ELP4: variants seen among roughly 807,000 people sequenced by gnomAD.
The protein encoded by ELP4 is elongator complex protein 4.
ELP4 carries 51 observed loss-of-function variants against 48.9 expected under a neutral mutation model. The ratio of observed to expected loss-of-function variants is 1.04; its 90% confidence interval spans 0.83 to 1.32. The LOEUF is 1.32. ELP4 is among the 40% of genes most tolerant of loss of function. The probability of loss-of-function intolerance (pLI) is 0.00; values close to 1 mark genes in which losing one functional copy is unlikely to be tolerated. For missense variants in ELP4, 519 were observed against 514.6 expected (o/e 1.01, Z -0.08); for synonymous variants, 210 against 189.2 (o/e 1.11, Z -0.90).
At chr11:31,714,890 A>T in intron 9 of ELP4, 1 of 398,034 alleles carries the variant, frequency 2.5e-6, no homozygotes, top group Non-Finnish European at 4.4e-6. Context: ...AGATCTTCCT[A>T]TTTTAAGGTC....
At chr11:31,578,855 A>G (rs973181120) in intron 3 of ELP4, among the ~76,000 whole-genome samples, 9 of 152,210 alleles carry the variant, frequency 5.9e-5, no homozygotes, top group Admixed American at 3.3e-4. Flanking sequence ...AACCTAGGCA[A>G]TACCATTCAG....
chr11:31,630,854 A>G (rs997229442), intron 6 of ELP4, among the ~76,000 whole-genome samples: 1 of 152,118 alleles, frequency 6.6e-6, no homozygotes, highest in African/African-American at 2.4e-5. Context: ...CAGAGGTGGG[A>G]AGATCACTTG....
chr11:31,674,976 A>C (rs944778607), intron 9 of ELP4, among the ~76,000 whole-genome samples: 2 of 152,060 alleles, frequency 1.3e-5, no homozygotes, highest in African/African-American at 4.8e-5. Flanking sequence ...AAGTGTGCGC[A>C]TGTTTGTACA....
intron 9 of ELP4, among the ~76,000 whole-genome samples, chr11:31,743,298 G>GGAGAC (rs1321291828): frequency 6.6e-6 from 1 of 152,024 alleles, no homozygotes; most frequent in African/African-American, 2.4e-5. Flanking sequence ...AATAATAATG[G>GGAGAC]GAGACTTTAA....
chr11:31,549,683 T>C lies in ELP4; in HGVS notation c.381+9900T>C, dbSNP rs371505739. On this transcript the variant is annotated intron_variant, in intron 3 of 9. Coordinates refer to ENST00000640961, the MANE Select transcript of ELP4 (RefSeq NM_019040.5). ...AATCATGCTGCTATAAAGACACATG[T>C]ACACGTATGTTTATTGCGGCACTAT... Among the ~76,000 whole-genome samples the C allele has an allele frequency of 9.9e-5, 15 of 152,168 alleles. No individual in the cohort carries two copies. The Middle Eastern group carries it at 0.01, about 104-fold the overall frequency.
chr11:31,711,547 A>C (rs1277303783), intron 9 of ELP4, among the ~76,000 whole-genome samples: 1 of 152,168 alleles, frequency 6.6e-6, no homozygotes, highest in Non-Finnish European at 1.5e-5. Context: ...ATCTTTTAAA[A>C]TTTACCTGAA....
At chr11:31,702,373 ACATGT>A (rs1415488831) in intron 9 of ELP4, among the ~76,000 whole-genome samples, 73 of 152,160 alleles carry the variant, frequency 4.8e-4, no homozygotes, top group African/African-American at 1.6e-3. Flanking sequence ...TTGAATTAAA[ACATGT>A]CAGGGAGAGG....
chr11:31,540,380 G>A (rs1206157467), intron 3 of ELP4, among the ~76,000 whole-genome samples: 1 of 152,198 alleles, frequency 6.6e-6, no homozygotes, highest in South Asian at 2.1e-4. Flanking sequence ...CAAATTGGCT[G>A]ATAAGAATTT....
At chr11:31,553,912 T>A (rs1227031909) in intron 3 of ELP4, among the ~76,000 whole-genome samples, 2 of 152,180 alleles carry the variant, frequency 1.3e-5, no homozygotes, top group Non-Finnish European at 2.9e-5. Flanking sequence ...CAAAGCTTCA[T>A]CTGTATTTAC....
chr11:31,566,972 A>C (rs1290691264), intron 3 of ELP4, among the ~76,000 whole-genome samples: 1 of 151,986 alleles, frequency 6.6e-6, no homozygotes, highest in East Asian at 1.9e-4. Flanking sequence ...CACAATTTAC[A>C]TTTTTCACAA....
Position 31,789,133 on chromosome 11 carries a change from T to G in ELP4, c.*5609T>G. ...ACTATATCTAAGAACAATTAACTTT[T>G]GCTGGCCAAAAAAGAAACGTATGAT... On this transcript the variant is annotated 3_prime_UTR_variant, in exon 10 of 10. Transcript: ENST00000640961. 4.9e-6 allele frequency: 1 copy of G among 203,638 alleles called. No homozygotes were observed. The highest frequency in any genetic ancestry group is 2.3e-5 in the African/African-American group (1 of 43,922). 12.6% of individuals were successfully genotyped at this position (203,638 alleles called of 1,614,324 possible). A position where few individuals can be genotyped will look rare whatever the true frequency, so the allele number is the denominator to read the frequency against.
intron 9 of ELP4, among the ~76,000 whole-genome samples, chr11:31,759,339 C>G (rs1947897748): frequency 6.6e-6 from 1 of 152,144 alleles, no homozygotes; most frequent in Non-Finnish European, 1.5e-5. Flanking sequence ...TATAATTCTA[C>G]AAGAATCCAC....
At chr11:31,515,033 GTATATATA>G (rs10676705) in intron 1 of ELP4, among the ~76,000 whole-genome samples, 1 of 133,968 alleles carries the variant, frequency 7.5e-6, no homozygotes. Context: ...GTGTGTGTGT[GTATATATA>G]TATATATATA....
At chr11:31,675,351 G>A (rs1337007502) in intron 9 of ELP4, among the ~76,000 whole-genome samples, 8 of 151,362 alleles carry the variant, frequency 5.3e-5, no homozygotes, top group Admixed American at 1.3e-4. Flanking sequence ...TGCAACCTCC[G>A]CCTCCCAGGT....
chr11:31,601,527 T>C (rs1420859840), intron 4 of ELP4, among the ~76,000 whole-genome samples: 2 of 152,126 alleles, frequency 1.3e-5, no homozygotes, highest in Non-Finnish European at 2.9e-5. Context: ...CAGCATGAAA[T>C]CAATTTTCTG....
intron 9 of ELP4, among the ~76,000 whole-genome samples, chr11:31,758,457 G>A (rs992957483): frequency 1.3e-5 from 2 of 152,172 alleles, no homozygotes; most frequent in African/African-American, 4.8e-5. Context: ...AGGTTTTATA[G>A]ATGATAATTG....
intron 3 of ELP4, among the ~76,000 whole-genome samples, chr11:31,594,388 A>G (rs1592144909): frequency 6.6e-6 from 1 of 152,258 alleles, no homozygotes; most frequent in East Asian, 1.9e-4. Context: ...GATTGTGCAA[A>G]TGTTTTATTT....
At chr11:31,721,771 T>C (rs1438556444) in intron 9 of ELP4, among the ~76,000 whole-genome samples, 5 of 152,218 alleles carry the variant, frequency 3.3e-5, no homozygotes, top group Admixed American at 2.0e-4. Context: ...AAACAAAACG[T>C]TACCAAACTA....
intron 3 of ELP4, among the ~76,000 whole-genome samples, chr11:31,542,495 T>C (rs527817822): frequency 6.6e-6 from 1 of 152,320 alleles, no homozygotes; most frequent in South Asian, 2.1e-4. Context: ...CCAACAGTAA[T>C]TCCTGCTCCC....
Sources: allele counts gnomAD v4.1 joint callset (sites outside exome capture counted in the v4.1 genomes callset), GRCh38; gene constraint gnomAD v4.1.1; transcripts MANE v1.5; gene names NCBI Gene and HGNC (gene_info 2026-07-23, HGNC 2026-07-21).